Variants in EDIL3 observed in about 807,000 individuals in gnomAD.
EDIL3 encodes the protein EGF like and discoidin domains 3.
EDIL3 carries 37 observed loss-of-function variants against 67.4 expected under a neutral mutation model. The observed-to-expected ratio is 0.55, with a 90% CI of 0.42 to 0.72. EDIL3 has a LOEUF of 0.72. EDIL3 is among the 30% of genes least tolerant of loss of function. The pLI is 0.00. For missense variants in EDIL3, 527 were observed against 586.3 expected (o/e 0.90, Z 1.04); for synonymous variants, 195 against 196.3 (o/e 0.99, Z 0.05).
chr5:84,105,012 A>G (rs1561432834), intron 6 of EDIL3, among the ~76,000 whole-genome samples: 1 of 152,088 alleles, frequency 6.6e-6, no homozygotes, highest in Non-Finnish European at 1.5e-5. Flanking sequence ...ACTGTTCTGA[A>G]TTTTGGCTAT....
At chr5:84,195,311 G>A (rs1177275137) in intron 3 of EDIL3, among the ~76,000 whole-genome samples, 1 of 151,930 alleles carries the variant, frequency 6.6e-6, no homozygotes, top group African/African-American at 2.4e-5. Context: ...AAATATTAGA[G>A]AAGTTATTAT....
chr5:84,210,241 T>C (rs985600712), intron 3 of EDIL3, among the ~76,000 whole-genome samples: 1 of 152,190 alleles, frequency 6.6e-6, no homozygotes, highest in African/African-American at 2.4e-5. Context: ...AACAAGTCGA[T>C]TTTATCAGCT....
intron 4 of EDIL3, among the ~76,000 whole-genome samples, chr5:84,176,200 T>TATATATATATATATATATATATA (rs1748904331): frequency 1.3e-3 from 6 of 4,742 alleles, no homozygotes; most frequent in South Asian, 7.4e-3. Context: ...ATATATATAA[T>TATATATATATATATATATATATA]ATATATATAT....
rs903161234 is a variant in EDIL3, at chr5:83,977,399, T to C, written c.1138-14039A>G. ...CATTGTTCACAAGGAAGATTCTCAA[T>C]CAATTTTTTTTCTTGTACTCTCTTT... On this transcript the variant is annotated intron_variant, in intron 9 of 10. Transcript: ENST00000296591. 1.8e-4 allele frequency among the ~76,000 whole-genome samples: 28 copies of C among 151,992 alleles called. 1 individual carries two copies. The highest frequency in any genetic ancestry group is 5.1e-4 in the African/African-American group (21 of 41,556).
At chr5:84,301,877 A>G (rs998869240) in intron 1 of EDIL3, among the ~76,000 whole-genome samples, 2 of 152,144 alleles carry the variant, frequency 1.3e-5, no homozygotes, top group South Asian at 4.1e-4. Context: ...TCAGATGTTT[A>G]TATTTTTGCG....
At chr5:84,187,082 T>G (rs979510195) in intron 3 of EDIL3, among the ~76,000 whole-genome samples, 7 of 152,104 alleles carry the variant, frequency 4.6e-5, no homozygotes, top group Non-Finnish European at 1.0e-4. Flanking sequence ...TAGGGAGTTT[T>G]AAAATCAATA....
Position 84,206,653 on chromosome 5 carries a change from T to C in EDIL3, c.226+23202A>G, listed in dbSNP as rs540832704. ...ATTGATGCAAAAATCTTCAATAAAA[T>C]ACTGGCAAACCGAATCCAGCAGCAC... is the stretch of plus-strand genomic sequence containing the variant. On this transcript the variant is annotated intron_variant, in intron 3 of 10. Coordinates refer to ENST00000296591, the MANE Select transcript of EDIL3 (RefSeq NM_005711.5). Among the ~76,000 whole-genome samples the C allele has an allele frequency of 3.9e-5, 6 of 152,186 alleles. No homozygotes were observed. In the South Asian group the frequency reaches 1.2e-3, roughly 32 times the overall value.
At chr5:84,200,588 A>C (rs1748179363) in intron 3 of EDIL3, among the ~76,000 whole-genome samples, 2 of 152,050 alleles carry the variant, frequency 1.3e-5, no homozygotes, top group South Asian at 4.1e-4. Context: ...ATTATTTTAT[A>C]TAACACATCC....
chr5:84,012,696 T>A (rs1029723625), intron 9 of EDIL3, among the ~76,000 whole-genome samples: 4 of 152,156 alleles, frequency 2.6e-5, no homozygotes, highest in Admixed American at 6.5e-5. Flanking sequence ...ATTCCATTTT[T>A]AACTGTAAAC....
At chr5:84,325,425 T>C (rs1038542108) in intron 1 of EDIL3, among the ~76,000 whole-genome samples, 9 of 151,746 alleles carry the variant, frequency 5.9e-5, no homozygotes, top group Admixed American at 2.0e-4. Context: ...GAAGAAAAAC[T>C]TCAATGAGAT....
intron 1 of EDIL3, among the ~76,000 whole-genome samples, chr5:84,349,097 T>A (rs957457739): frequency 6.6e-6 from 1 of 152,184 alleles, no homozygotes; most frequent in Non-Finnish European, 1.5e-5. Flanking sequence ...ACATTCCTTT[T>A]AAGAGCTGAA....
chr5:84,207,684 G>A (rs1744014280), intron 3 of EDIL3, among the ~76,000 whole-genome samples: 1 of 151,800 alleles, frequency 6.6e-6, no homozygotes, highest in Non-Finnish European at 1.5e-5. Flanking sequence ...GCATGGTACT[G>A]GTACCAAAAC....
chr5:84,257,583 A>G (rs1745144524), intron 1 of EDIL3, among the ~76,000 whole-genome samples: 1 of 152,176 alleles, frequency 6.6e-6, no homozygotes. Context: ...ATTTGGGTTG[A>G]TTTCCAGAGC....
chr5:84,225,647 A>C (rs1744435790), intron 3 of EDIL3, among the ~76,000 whole-genome samples: 1 of 151,538 alleles, frequency 6.6e-6, no homozygotes, highest in Non-Finnish European at 1.5e-5. Context: ...GATTTTTTTC[A>C]TTCTATATGT....
chr5:84,303,808 C>CTGTGTGTGTGTG (rs199605264), intron 1 of EDIL3, among the ~76,000 whole-genome samples: 15 of 135,410 alleles, frequency 1.1e-4, no homozygotes, highest in South Asian at 4.8e-4. Flanking sequence ...CTCTCTCTCT[C>CTGTGTGTGTGTG]TGTGTGTGTG....
chr5:84,298,295 C>T (rs1183997256), intron 1 of EDIL3, among the ~76,000 whole-genome samples: 1 of 152,130 alleles, frequency 6.6e-6, no homozygotes, highest in Non-Finnish European at 1.5e-5. Context: ...GCATACTATG[C>T]AGCCATAAAA....
intron 9 of EDIL3, among the ~76,000 whole-genome samples, chr5:84,015,651 A>G (rs896092620): frequency 2.6e-5 from 4 of 151,638 alleles, no homozygotes; most frequent in African/African-American, 4.9e-5. Context: ...AGATATAACA[A>G]GAGTGTGTTA....
intron 6 of EDIL3, among the ~76,000 whole-genome samples, chr5:84,094,424 T>TAA (rs1378709727): frequency 6.6e-6 from 1 of 152,156 alleles, no homozygotes; most frequent in African/African-American, 2.4e-5. Context: ...CAGAAAAGGC[T>TAA]AAAATATTTT....
chr5:84,212,678 G>T (rs1467940028), intron 3 of EDIL3, among the ~76,000 whole-genome samples: 2 of 152,190 alleles, frequency 1.3e-5, no homozygotes, highest in African/African-American at 2.4e-5. Flanking sequence ...GAAAGGGAAA[G>T]GAAAGCGTAC....
Sources: gnomAD v4.1 joint callset for allele counts (sites outside exome capture counted in the v4.1 genomes callset) on GRCh38, gnomAD v4.1.1 for gene constraint, MANE v1.5 for transcripts, NCBI Gene and HGNC (gene_info 2026-07-23, HGNC 2026-07-21) for gene names.